DNAH6: variants seen among roughly 807,000 people sequenced by gnomAD.
The protein encoded by DNAH6 is dynein axonemal heavy chain 6.
DNAH6 carries 340 observed loss-of-function variants against 491.4 expected under a neutral mutation model. That is an observed-to-expected ratio of 0.69 (90% confidence interval 0.63 to 0.76). The LOEUF is 0.76. Among genes scored for constraint, DNAH6 ranks in the 30% least tolerant of loss-of-function variants. The pLI is 0.00. For synonymous variants in DNAH6, 1,603 were observed against 1,686.1 expected, an observed-to-expected ratio of 0.95 and a Z score of 1.21; for missense variants, 4,443 against 4,972.2, an observed-to-expected ratio of 0.89 and a Z score of 3.20.
intron 62 of DNAH6, among the ~76,000 whole-genome samples, chr2:84,740,801 C>T (rs1249072445): frequency 6.6e-6 from 1 of 152,220 alleles, no homozygotes; most frequent in Non-Finnish European, 1.5e-5. Flanking sequence ...ACCTCAGCTT[C>T]AGCAACTCTC....
At chr2:84,750,715 TA>T (rs1673390993) in intron 63 of DNAH6, 4 of 152,050 alleles carry the variant, frequency 2.6e-5, no homozygotes, top group African/African-American at 9.7e-5. Flanking sequence ...TTTTCCATAG[TA>T]AAAAAATATT....
chr2:84,773,536 A>C (rs180896646), intron 64 of DNAH6, among the ~76,000 whole-genome samples: 2 of 152,050 alleles, frequency 1.3e-5, no homozygotes, highest in Admixed American at 6.5e-5. Context: ...CTGCAAGTGC[A>C]TGTGTCTTCT....
At chr2:84,678,613 A>G (rs1693481847) in intron 41 of DNAH6, among the ~76,000 whole-genome samples, 1 of 152,160 alleles carries the variant, frequency 6.6e-6, no homozygotes, top group African/African-American at 2.4e-5. Context: ...GGAAGAATAC[A>G]GTGAAGCCTG....
At chr2:84,669,647 A>T in intron 38 of DNAH6, 137 bp downstream of exon 38, 1 of 758,442 alleles carries the variant, frequency 1.3e-6, no homozygotes, top group Admixed American at 2.4e-5. Flanking sequence ...GAAGAATATT[A>T]TGCTGAATCT....
At chr2:84,477,399 T>C in the DNAH6 span, among the ~76,000 whole-genome samples, 1 of 148,886 alleles carries the variant, frequency 6.7e-6, no homozygotes, top group East Asian at 1.9e-4. Context: ...CTGCCTCAGC[T>C]TTTTTCCCAA....
intron 11 of DNAH6, among the ~76,000 whole-genome samples, chr2:84,567,375 G>A (rs894055123): frequency 3.3e-5 from 5 of 152,134 alleles, no homozygotes; most frequent in African/African-American, 1.2e-4. Context: ...AACAAAGCTG[G>A]AAGCATCACA....
chr2:84,727,811 T>G lies in DNAH6; in HGVS notation c.10115T>G (p.Phe3372Cys). Reference protein sequence around the residue: ...LFEQHKLIYSFMLCVEMMRQQ... With the variant: ...LFEQHKLIYSCMLCVEMMRQQ... ...GAGCAACATAAACTCATCTACAGCT[T>G]TATGCTTTGTGTTGAGATGATGCGT... Residue 3372 changes from phenylalanine to cysteine, a missense_variant, in exon 61 of 77, where the codon TTT (phenylalanine) becomes TGT (cysteine). Transcript: ENST00000389394. 6.4e-7 allele frequency: 1 copy of G among 1,551,956 alleles called. No homozygotes were observed. Among genetic ancestry groups the G allele is most frequent in the Non-Finnish European group, 8.7e-7 (1 of 1,146,952 alleles).
chr2:84,666,411 A>G (rs1326910105), intron 37 of DNAH6, among the ~76,000 whole-genome samples: 1 of 152,194 alleles, frequency 6.6e-6, no homozygotes, highest in Non-Finnish European at 1.5e-5. Context: ...AAGTCTCAGG[A>G]TACAAAATCA....
intron 15 of DNAH6, among the ~76,000 whole-genome samples, chr2:84,588,419 C>T (rs916546430): frequency 3.3e-5 from 5 of 152,188 alleles, no homozygotes; most frequent in Admixed American, 3.3e-4. Flanking sequence ...TTCATTTTCT[C>T]TCTTCTGTCA....
intron 47 of DNAH6, among the ~76,000 whole-genome samples, chr2:84,698,635 G>C (rs909189015): frequency 6.6e-6 from 1 of 152,178 alleles, no homozygotes. Context: ...CTCCAGGATA[G>C]TTTATCAAAG....
At chr2:84,569,878 TAG>T (rs1312445745) in intron 11 of DNAH6, among the ~76,000 whole-genome samples, 1 of 152,196 alleles carries the variant, frequency 6.6e-6, no homozygotes, top group East Asian at 1.9e-4. Context: ...TGCATTGGAA[TAG>T]AGTTGTGAAC....
In DNAH6 at chr2:84,767,094, G is replaced by A. The variant is rs1396926632; in HGVS notation, c.10703+4149G>A. Among the ~76,000 whole-genome samples the A allele has an allele frequency of 2.0e-5, 3 of 152,052 alleles. No individual in the cohort carries two copies. The East Asian group carries it at 5.8e-4, about 29-fold the overall frequency. ...ACATGTTTAAAAACCAAGAAAAACAGTGTCTATTAGAAACAGAGCACAGAG... is the reference window on the plus strand; with the variant it reads ...ACATGTTTAAAAACCAAGAAAAACAATGTCTATTAGAAACAGAGCACAGAG... On this transcript the variant is annotated intron_variant, in intron 64 of 76. Coordinates refer to ENST00000389394, the MANE Select transcript of DNAH6 (RefSeq NM_001370.2).
At chr2:84,538,269 CAT>C (rs1677893030) in intron 4 of DNAH6, among the ~76,000 whole-genome samples, 4 of 152,142 alleles carry the variant, frequency 2.6e-5, no homozygotes, top group Admixed American at 2.6e-4. Context: ...TCCTCATAAA[CAT>C]CCCATTAGAA....
At chr2:84,746,595 A>G (rs1672998336) in intron 63 of DNAH6, among the ~76,000 whole-genome samples, 1 of 152,154 alleles carries the variant, frequency 6.6e-6, no homozygotes, top group African/African-American at 2.4e-5. Flanking sequence ...AAAAATGGAG[A>G]TTGTTCCTTT....
chr2:84,529,115 T>C lies in DNAH6; in HGVS notation c.611T>C (p.Met204Thr). The C allele has an allele frequency of 6.4e-7, 1 of 1,550,844 alleles. No individual in the cohort carries two copies. Among genetic ancestry groups the C allele is most frequent in the Non-Finnish European group, 8.7e-7 (1 of 1,146,390 alleles). Reference protein sequence around the residue: ...RENEHLGFLYMIPAVPRSSIE... With the variant: ...RENEHLGFLYTIPAVPRSSIE... ...AATGAACATCTTGGATTTCTTTATA[T>C]GATCCCTGCAGTGCCAAGATCATCC... is the stretch of plus-strand genomic sequence containing the variant. The change falls in exon 4 of 77, where the codon ATG becomes ACG. Residue 204 changes from methionine (M) to threonine (T), a missense_variant. By Grantham distance (81) the Met-to-Thr change is moderately conservative. This residue lies in a region of DNAH6 where 2,977 missense variants were observed against 3,296.6 expected (regional missense o/e 0.90). Transcript: ENST00000389394.
chr2:84,644,225 G>A (rs1298432406), intron 33 of DNAH6, among the ~76,000 whole-genome samples: 6 of 152,106 alleles, frequency 3.9e-5, no homozygotes, highest in East Asian at 1.9e-4. Flanking sequence ...AAAGGCTAGC[G>A]CCAGCTGGAG....
chr2:84,681,299 A>G, intron 41 of DNAH6, 58 bp from the exon 42 acceptor site: 2 of 1,368,940 alleles, frequency 1.5e-6, no homozygotes, highest in Non-Finnish European at 1.9e-6. Flanking sequence ...AGTATTTAAA[A>G]GATAGATATT....
chr2:84,717,523 T>C (rs1233892172), intron 58 of DNAH6, among the ~76,000 whole-genome samples: 1 of 151,042 alleles, frequency 6.6e-6, no homozygotes, highest in Non-Finnish European at 1.5e-5. Flanking sequence ...TAGAGTCTGT[T>C]TGTTCACCTG....
At chr2:84,645,643 G>C (rs965364607) in intron 33 of DNAH6, among the ~76,000 whole-genome samples, 1 of 152,098 alleles carries the variant, frequency 6.6e-6, no homozygotes, top group Non-Finnish European at 1.5e-5. Flanking sequence ...GTTCCTTATA[G>C]ATGCTGGATA....
Sources: gnomAD v4.1 joint callset for allele counts (sites outside exome capture counted in the v4.1 genomes callset) on GRCh38, gnomAD v4.1.1 for gene constraint, gnomAD v4.1.1 regional missense constraint, MANE v1.5 for transcripts, NCBI Gene and HGNC (gene_info 2026-07-23, HGNC 2026-07-21) for gene names.